Variants in PABIR3 observed in about 807,000 individuals in gnomAD.
The protein encoded by PABIR3 is PABIR family member 3, also known as PABIR family member 1.
Under a neutral mutation model 23.1 loss-of-function variants are expected in PABIR3, and 20 were observed. The ratio of observed to expected loss-of-function variants is 0.86; its 90% CI spans 0.61 to 1.26. PABIR3 has a LOEUF of 1.26. PABIR3 is among the 50% of genes most tolerant of loss of function. The pLI is 0.00. For missense variants in PABIR3, 189 were observed against 195.4 expected (o/e 0.97, Z 0.20); for synonymous variants, 69 against 68.5 (o/e 1.01, Z -0.04).
chrX:134,816,383 C>T (rs192336914), intron 3 of PABIR3, among the ~76,000 whole-genome samples: 7 of 112,513 alleles, frequency 6.2e-5, no homozygotes, highest in African/African-American at 1.9e-4. Context: ...TGCAGTGGCA[C>T]GATCTTGGCT....
chrX:134,845,626 A>G (rs113722172), intron 6 of PABIR3, among the ~76,000 whole-genome samples: 1,252 of 111,416 alleles, frequency 0.011, 17 homozygotes, highest in South Asian at 0.046. Context: ...AGCTCAATGG[A>G]TCGTCCTGCC....
chrX:134,822,661 T>C (rs974199130), intron 3 of PABIR3: 27 of 745,106 alleles, frequency 3.6e-5, no homozygotes, highest in Admixed American at 8.9e-5. Context: ...TCTTTCATCA[T>C]TATTTTATGA....
chrX:134,849,887 T>TTTTTTTTTC (rs1556344204), intron 9 of PABIR3, among the ~76,000 whole-genome samples: 11 of 90,297 alleles, frequency 1.2e-4, no homozygotes, highest in African/African-American at 4.6e-4. Flanking sequence ...TTTTTTTTTT[T>TTTTTTTTTC]CTTGAGACAG....
chrX:134,803,641 AAAC>A (rs775953147), upstream of PABIR3, among the ~76,000 whole-genome samples: 212 of 112,144 alleles, frequency 1.9e-3, no homozygotes, highest in Middle Eastern at 4.6e-3. Flanking sequence ...GCTAGATTAG[AAAC>A]AACAACCTCT....
At chrX:134,809,891 C>A in intron 2 of PABIR3, 1 of 751,621 alleles carries the variant, frequency 1.3e-6, no homozygotes, top group East Asian at 1.5e-4. Flanking sequence ...AAATGAAAAG[C>A]AAACTAAGAT....
At chrX:134,807,986 T>C (rs1221308359) in intron 2 of PABIR3, 2 of 305,596 alleles carry the variant, frequency 6.5e-6, no homozygotes, top group African/African-American at 5.5e-5. Flanking sequence ...CCAGTTGGTG[T>C]GGAGCACGGC....
chrX:134,842,855 G>A (rs1295988157), intron 4 of PABIR3, among the ~76,000 whole-genome samples: 2 of 105,390 alleles, frequency 1.9e-5, no homozygotes, highest in East Asian at 3.0e-4. Context: ...CTGAGATTGC[G>A]CCATTGCACT....
intron 1 of PABIR3, among the ~76,000 whole-genome samples, chrX:134,798,274 G>A (rs2079967706): frequency 8.9e-6 from 1 of 112,522 alleles, no homozygotes; most frequent in Non-Finnish European, 1.9e-5. Context: ...CACAGGTAAC[G>A]AAAGGCAGAT....
chrX:134,830,612 C>T (rs12008543), intron 4 of PABIR3, among the ~76,000 whole-genome samples: 1,349 of 110,216 alleles, frequency 0.012, 30 homozygotes, highest in African/African-American at 0.042. Context: ...GGATTACAGG[C>T]GTGAGCCACC....
chrX:134,796,413 A>AGGATGAT, upstream of PABIR3: 1 of 388,835 alleles, frequency 2.6e-6, no homozygotes, highest in Non-Finnish European at 4.5e-6. Context: ...TGAGGAAGGG[A>AGGATGAT]GGATGATGGT....
chrX:134,827,264 G>A (rs2081547467), intron 3 of PABIR3, among the ~76,000 whole-genome samples: 1 of 111,300 alleles, frequency 9.0e-6, no homozygotes, highest in Non-Finnish European at 1.9e-5. Flanking sequence ...ACCACACATG[G>A]CCCAACACAT....
In PABIR3 at chrX:134,854,159, T is replaced by A. The variant is rs1279990072; in HGVS notation, c.755T>A (p.Ile252Asn). ...TCTTCTGGTAATTCGTCAGCTGAAA[T>A]CGGCACTGTCACAAACTCTCCTGTG... The part of the protein sequence containing the change: ...AGSSGNSSAE[I>N]GTVTNSPVSP... The change falls in exon 11 of 11, where the codon ATC (isoleucine) becomes AAC (asparagine). Residue 252 changes from isoleucine (I) to asparagine (N), a missense_variant. Coordinates refer to ENST00000645433, the MANE Select transcript of PABIR3 (RefSeq NM_001388447.1). 5.0e-6 allele frequency: 6 copies of A among 1,210,770 alleles called. No individual in the cohort carries two copies. The South Asian group carries it at 7.0e-5, about 14-fold the overall frequency.
intron 4 of PABIR3, among the ~76,000 whole-genome samples, 171 bp from the exon 5 acceptor site, chrX:134,845,034 T>C (rs1238945292): frequency 8.9e-6 from 1 of 112,260 alleles, no homozygotes; most frequent in African/African-American, 3.2e-5. Context: ...GGTGTGATAA[T>C]TTGTGAAGCA....
rs536448496 is a variant in PABIR3, at chrX:134,829,799, G to T, written c.246+517G>T. Among the ~76,000 whole-genome samples the T allele has an allele frequency of 3.3e-4, 37 of 111,428 alleles. No individual in the cohort carries two copies. The South Asian group carries it at 0.013, about 38-fold the overall frequency. ...TTGGGAGGGTGTATGTGGGTGGGTG[G>T]GTGTGCACTCATGTGCACATGCATG... is the stretch of plus-strand genomic sequence containing the variant. On this transcript the variant is annotated intron_variant, in intron 4 of 10. Transcript: ENST00000645433.
chrX:134,828,047 C>CTCTCTCTCTATA (rs1466733144), intron 3 of PABIR3, among the ~76,000 whole-genome samples: 3 of 49,416 alleles, frequency 6.1e-5, no homozygotes, highest in African/African-American at 2.5e-4. Flanking sequence ...CTCTCTCTCT[C>CTCTCTCTCTATA]TATATATATA....
At chrX:134,826,602 C>G (rs2081517112) in intron 3 of PABIR3, among the ~76,000 whole-genome samples, 1 of 110,854 alleles carries the variant, frequency 9.0e-6, no homozygotes, top group Non-Finnish European at 1.9e-5. Context: ...TTAAACATAG[C>G]AAGTATTCAA....
At chrX:134,807,422 A>G (rs2080301014) in intron 1 of PABIR3, 81 bp downstream of exon 1, 1 of 1,027,879 alleles carries the variant, frequency 9.7e-7, no homozygotes, top group African/African-American at 1.9e-5. Flanking sequence ...CTTTGTGTTC[A>G]CTGATGTTAG....
chrX:134,853,157 C>T (rs1276083777), intron 10 of PABIR3, among the ~76,000 whole-genome samples: 1 of 111,251 alleles, frequency 9.0e-6, no homozygotes, highest in Non-Finnish European at 1.9e-5. Flanking sequence ...CTCCACCTCC[C>T]AGGCTCAAGC....
upstream of PABIR3, chrX:134,796,519 G>C (rs1030863698): frequency 5.7e-5 from 12 of 210,442 alleles, no homozygotes; most frequent in African/African-American, 3.7e-4. Context: ...CAAGGATGGA[G>C]GGAGGAGGGA....
Sources: allele counts gnomAD v4.1 joint callset (sites outside exome capture counted in the v4.1 genomes callset), GRCh38; gene constraint gnomAD v4.1.1; transcripts MANE v1.5; gene names NCBI Gene and HGNC (gene_info 2026-07-23, HGNC 2026-07-21).